Variants in CASTOR2 observed in about 807,000 individuals in gnomAD.
CASTOR2 encodes the protein GATS protein like 2.
CASTOR2 carries 8 observed loss-of-function variants against 31.2 expected under a neutral mutation model. The observed-to-expected ratio is 0.26, with a 90% confidence interval of 0.15 to 0.46. The LOEUF (loss-of-function observed/expected upper bound fraction) is 0.46. Among genes scored for constraint, CASTOR2 ranks in the 20% least tolerant of loss-of-function variants. The pLI, the probability that CASTOR2 is intolerant of heterozygous loss-of-function variation, is 0.99. For synonymous variants in CASTOR2, 162 were observed against 158.7 expected (o/e 1.02, Z -0.16); for missense variants, 216 against 382.1 (o/e 0.57, Z 3.62).
intron 6 of CASTOR2, among the ~76,000 whole-genome samples, chr7:75,021,598 A>G (rs1468481624): frequency 6.6e-6 from 1 of 152,140 alleles, no homozygotes; most frequent in African/African-American, 2.4e-5. Flanking sequence ...GGACCTGGGA[A>G]GAGGTGTCTA....
intron 1 of CASTOR2, among the ~76,000 whole-genome samples, chr7:74,993,302 T>A (rs1446094941): frequency 7.2e-5 from 11 of 151,910 alleles, no homozygotes; most frequent in Non-Finnish European, 1.3e-4. Context: ...CATCCCTAGG[T>A]GTATGCAAAT....
At position 74,989,644 on chromosome 7, in the gene CASTOR2, G is replaced by A. The variant is rs1319854431; in HGVS notation, c.114-18350G>A. 3.4e-5 allele frequency among the ~76,000 whole-genome samples: 5 copies of A among 148,352 alleles called. No individual in the cohort carries two copies. The South Asian group carries it at 8.6e-4, about 25-fold the overall frequency. On this transcript the variant is annotated intron_variant, in intron 1 of 8. Transcript: ENST00000616305. Reference sequence around the variant, plus strand: ...TTGCCCAGGCTGGTCTTGAACTCCCGACTTCAAGCGATCCTCCCACCCCAG... The same window carrying A: ...TTGCCCAGGCTGGTCTTGAACTCCCAACTTCAAGCGATCCTCCCACCCCAG...
intron 1 of CASTOR2, among the ~76,000 whole-genome samples, chr7:74,999,909 G>A (rs1194151266): frequency 5.3e-5 from 8 of 152,094 alleles, no homozygotes; most frequent in East Asian, 1.9e-4. Context: ...CACTGCGCCC[G>A]GCCACTCACT....
intron 8 of CASTOR2, 49 bp from the exon 9 acceptor site, chr7:75,024,585 A>G: frequency 6.4e-7 from 1 of 1,550,686 alleles, no homozygotes; most frequent in Non-Finnish European, 8.7e-7. Flanking sequence ...GTGGGGAAGC[A>G]GGTTCCTGGG....
chr7:75,009,492 T>A (rs1804685587), intron 2 of CASTOR2, among the ~76,000 whole-genome samples: 2 of 151,668 alleles, frequency 1.3e-5, no homozygotes, highest in Non-Finnish European at 2.9e-5. Flanking sequence ...ATGGTCTCGA[T>A]CTCCTGACCT....
intron 7 of CASTOR2, 147 bp from the exon 8 acceptor site, chr7:75,024,293 A>C (rs1805073151): frequency 3.4e-6 from 3 of 871,302 alleles, no homozygotes; most frequent in Admixed American, 4.1e-5. Context: ...CCATCTCAAA[A>C]AAAATAAAAG....
rs1047648126 is a variant in CASTOR2 at position 75,021,053 on chromosome 7, G to A, written c.747-821G>A. 8.6e-5 allele frequency among the ~76,000 whole-genome samples: 13 copies of A among 151,362 alleles called. 1 individual carries two copies. The highest frequency in any genetic ancestry group is 2.7e-4 in the African/African-American group (11 of 41,238). On this transcript the variant is annotated intron_variant, in intron 6 of 8. Coordinates refer to ENST00000616305, the MANE Select transcript of CASTOR2 (RefSeq NM_001145064.3). ...GTTGCCCAGGCTGGAGTGCAGTGGCGCGATCTCAGCTCACTGCAACCTCCA... is the reference window on the plus strand; with the variant it reads ...GTTGCCCAGGCTGGAGTGCAGTGGCACGATCTCAGCTCACTGCAACCTCCA...
Position 75,018,873 on chromosome 7 carries a change from C to T in CASTOR2, c.512-99C>T, listed in dbSNP as rs1215970135. The T allele has an allele frequency of 6.5e-6, 10 of 1,535,610 alleles. No individual in the cohort carries two copies. In the Admixed American group the frequency reaches 1.6e-4, roughly 24 times the overall value. ...CGGTGAATGAGTCTCTTGGGGCCTG[C>T]AGCTGAGCCCTCCCCAGCCCTCTTC... On this transcript the variant is annotated intron_variant, in intron 4 of 8. Coordinates refer to ENST00000616305, the MANE Select transcript of CASTOR2 (RefSeq NM_001145064.3).
chr7:75,023,463 T>A (rs1305962758), intron 7 of CASTOR2, among the ~76,000 whole-genome samples: 1 of 122,894 alleles, frequency 8.1e-6, no homozygotes, highest in East Asian at 3.1e-4. Context: ...ATTTTTTTTT[T>A]CTTTTTGTTT....
chr7:75,013,420 A>T (rs1804796855), intron 2 of CASTOR2, among the ~76,000 whole-genome samples: 3 of 152,228 alleles, frequency 2.0e-5, no homozygotes, highest in East Asian at 3.9e-4. Context: ...TGAGGCAGGT[A>T]GATCGCTTGA....
At chr7:75,009,139 G>A (rs1177680247) in intron 2 of CASTOR2, among the ~76,000 whole-genome samples, 1 of 150,404 alleles carries the variant, frequency 6.6e-6, no homozygotes, top group East Asian at 2.0e-4. Flanking sequence ...GTATTTTTTA[G>A]TAGAGATGGA....
intron 2 of CASTOR2, among the ~76,000 whole-genome samples, chr7:75,014,118 A>G (rs1475321717): frequency 6.6e-6 from 1 of 152,158 alleles, no homozygotes; most frequent in Non-Finnish European, 1.5e-5. Context: ...AATGGGTAGA[A>G]GCTTAGACTT....
At chr7:75,018,254 A>C in intron 4 of CASTOR2, 132 bp downstream of exon 4, 6 of 1,500,844 alleles carry the variant, frequency 4.0e-6, no homozygotes, top group Non-Finnish European at 5.4e-6. Flanking sequence ...AACGGGATGC[A>C]AAGGGCCCAG....
At position 75,017,666 on chromosome 7, in the gene CASTOR2, G is replaced by A. The variant is rs1188054003; in HGVS notation, c.253G>A (p.Gly85Ser). ...GCTGGCCCTGAACGTGGTGTCCGGC[G>A]GTGGCAGCTTCTCCAGCTCCCAGCC... Reference protein sequence around the residue: ...TWLALNVVSGGGSFSSSQPIG... With the variant: ...TWLALNVVSGSGSFSSSQPIG... Residue 85 changes from glycine to serine, a missense_variant, in exon 3 of 9, where the codon GGT becomes AGT. Coordinates refer to ENST00000616305, the MANE Select transcript of CASTOR2 (RefSeq NM_001145064.3). 1.3e-5 allele frequency: 21 copies of A among 1,613,902 alleles called. No individual in the cohort carries two copies. The highest frequency in any genetic ancestry group is 3.3e-5 in the South Asian group (3 of 91,084).
At chr7:74,977,184 CAA>C (rs1160729242) in intron 1 of CASTOR2, among the ~76,000 whole-genome samples, 7 of 36,028 alleles carry the variant, frequency 1.9e-4, no homozygotes, top group East Asian at 8.1e-4. Flanking sequence ...AACTCCATCT[CAA>C]AAAAAAAAAA....
intron 7 of CASTOR2, among the ~76,000 whole-genome samples, chr7:75,022,373 C>T (rs1263399965): frequency 6.6e-6 from 1 of 152,132 alleles, no homozygotes; most frequent in African/African-American, 2.4e-5. Context: ...GGCATGGTGG[C>T]TGGCGCCTGT....
intron 1 of CASTOR2, among the ~76,000 whole-genome samples, chr7:74,983,823 G>T (rs1414735050): frequency 1.7e-4 from 26 of 150,890 alleles, no homozygotes; most frequent in Non-Finnish European, 2.7e-4. Context: ...GGTCTCGCTC[G>T]GTCACCCAGG....
chr7:74,993,184 C>A (rs1804252914), intron 1 of CASTOR2, among the ~76,000 whole-genome samples: 1 of 152,066 alleles, frequency 6.6e-6, no homozygotes. Context: ...GGCAACAGAG[C>A]AAGACTCCAT....
chr7:74,982,620 A>T (rs1404110618), intron 1 of CASTOR2, among the ~76,000 whole-genome samples: 2 of 110,750 alleles, frequency 1.8e-5, no homozygotes, highest in Non-Finnish European at 3.7e-5. Flanking sequence ...GGCGGATCAC[A>T]AAGTCAGGAG....
Sources: allele counts gnomAD v4.1 joint callset (sites outside exome capture counted in the v4.1 genomes callset), GRCh38; gene constraint gnomAD v4.1.1; transcripts MANE v1.5; gene names NCBI Gene and HGNC (gene_info 2026-07-23, HGNC 2026-07-21).